The following DEAF1 variants were observed in gnomAD, a reference collection of about 807,000 sequenced individuals.
DEAF1 encodes deformed epidermal autoregulatory factor 1 homolog.
In DEAF1, 53 loss-of-function variants were observed where a neutral mutation model predicts 58.9. The observed-to-expected ratio is 0.90, with a 90% CI of 0.72 to 1.13. DEAF1 has a LOEUF of 1.13. Among genes scored for constraint, DEAF1 ranks in the 50% most tolerant of loss-of-function variants. The probability of loss-of-function intolerance (pLI) is 0.00; values close to 1 mark genes in which losing one functional copy is unlikely to be tolerated. For missense variants in DEAF1, 685 were observed against 791.4 expected (o/e 0.87, Z 1.61); for synonymous variants, 385 against 340.4 (o/e 1.13, Z -1.44).
rs1858417534 is a variant in DEAF1 at position 644,982 on chromosome 11, G to T, written c.1594-328C>A. Among the ~76,000 whole-genome samples, 1 of 152,066 alleles carries T rather than the reference G, an allele frequency of 6.6e-6. No homozygotes were observed. The highest frequency in any genetic ancestry group is 2.1e-4 in the South Asian group (1 of 4,836). ...GTTCGAGACCAGCCTGGCCAACATG[G>T]TGAAACCCCGTATCTACTAAAAATA... On this transcript the variant is annotated intron_variant, in intron 11 of 11. Coordinates refer to ENST00000382409, the MANE Select transcript of DEAF1 (RefSeq NM_021008.4). This position sits in a 1 kb window ranked among gnomAD's most constrained non-coding sequence, Gnocchi z 4.3.
chr11:680,045 G>A (rs1041917971), intron 7 of DEAF1: 4 of 588,402 alleles, frequency 6.8e-6, no homozygotes, highest in Non-Finnish European at 1.2e-5. Flanking sequence ...CCAATTGTTC[G>A]CTGTTTAAAC....
At chr11:668,368 T>C (rs911448770) in intron 10 of DEAF1, among the ~76,000 whole-genome samples, 1 of 152,220 alleles carries the variant, frequency 6.6e-6, no homozygotes, top group African/African-American at 2.4e-5. Context: ...TTTTCAAGTG[T>C]ATATGCAATA....
chr11:657,657 C>T (rs1173002931), intron 10 of DEAF1, among the ~76,000 whole-genome samples: 2 of 152,196 alleles, frequency 1.3e-5, no homozygotes, highest in Non-Finnish European at 2.9e-5. Context: ...AAGGTCAGAG[C>T]TGTCTGTAAT....
intron 10 of DEAF1, chr11:674,189 T>C: frequency 2.9e-6 from 1 of 348,026 alleles, no homozygotes; most frequent in Non-Finnish European, 5.6e-6. Flanking sequence ...ATAGATGATG[T>C]TCTCCAAACT....
chr11:702,742 G>A (rs138589691), intron 1 of DEAF1, among the ~76,000 whole-genome samples: 5 of 152,374 alleles, frequency 3.3e-5, no homozygotes, highest in African/African-American at 1.2e-4. Context: ...CCCCAGGAGG[G>A]GCTCACGCCT....
intron 11 of DEAF1, among the ~76,000 whole-genome samples, chr11:652,879 T>G (rs1334147479): frequency 6.6e-6 from 1 of 151,098 alleles, no homozygotes; most frequent in Admixed American, 6.6e-5. Context: ...AGGTCAGGAG[T>G]TCGAGACCAG....
At chr11:672,949 G>A (rs892754505) in intron 10 of DEAF1, among the ~76,000 whole-genome samples, 3 of 152,050 alleles carry the variant, frequency 2.0e-5, no homozygotes, top group African/African-American at 7.3e-5. Context: ...AGGAGTTTAA[G>A]ACCAGCCTGG....
At chr11:645,981 A>T (rs1202946087) in intron 11 of DEAF1, among the ~76,000 whole-genome samples, 1 of 152,132 alleles carries the variant, frequency 6.6e-6, no homozygotes, top group African/African-American at 2.4e-5. Context: ...GGCCGGGCGC[A>T]GTGGTTCACG....
intron 11 of DEAF1, among the ~76,000 whole-genome samples, chr11:647,668 C>T (rs567222034): frequency 1.2e-4 from 18 of 152,300 alleles, no homozygotes; most frequent in East Asian, 7.7e-4. Context: ...GGAGGGCAGG[C>T]GCTAAAGCAG....
upstream of DEAF1, chr11:695,606 C>T (rs1024593908): frequency 4.8e-6 from 6 of 1,243,810 alleles, no homozygotes; most frequent in Non-Finnish European, 6.1e-6. Flanking sequence ...TCCCCGAGGC[C>T]GAATGCTCCC....
At chr11:691,358 A>G (rs1172923185) in intron 2 of DEAF1, 143 bp downstream of exon 2, 3 of 762,362 alleles carry the variant, frequency 3.9e-6, no homozygotes, top group Non-Finnish European at 6.6e-6. Flanking sequence ...GGCCTCTGAG[A>G]GCAGAGCGAG....
intron 1 of DEAF1, chr11:704,161 A>C: frequency 1.8e-6 from 2 of 1,082,558 alleles, no homozygotes; most frequent in Non-Finnish European, 1.2e-6. Context: ...CCCCCACCCC[A>C]TCTCCAGTTC....
chr11:667,993 T>C (rs1859633892), intron 10 of DEAF1, among the ~76,000 whole-genome samples: 1 of 151,868 alleles, frequency 6.6e-6, no homozygotes, highest in Admixed American at 6.6e-5. Flanking sequence ...ACGCCGATAG[T>C]CCCAGCTACT....
At chr11:704,181 G>T in intron 1 of DEAF1, 1 of 1,076,662 alleles carries the variant, frequency 9.3e-7, no homozygotes, top group South Asian at 1.8e-5. Flanking sequence ...CTCCTGCCCT[G>T]CAAGAGAGCA....
rs371116243 is a variant in DEAF1 at position 658,151 on chromosome 11, G to A, written c.1504-4100C>T. ...TTTTTAAAATAACCATTCATTAGCCGGGCACGGTGGCTCACGCCTGTAATC... is the reference window on the plus strand; with the variant it reads ...TTTTTAAAATAACCATTCATTAGCCAGGCACGGTGGCTCACGCCTGTAATC... On this transcript the variant is annotated intron_variant, in intron 10 of 11. Coordinates refer to ENST00000382409, the MANE Select transcript of DEAF1 (RefSeq NM_021008.4). Among the ~76,000 whole-genome samples, 23 of 152,232 alleles carry A rather than the reference G, an allele frequency of 1.5e-4. No individual in the cohort carries two copies. The East Asian group carries it at 3.3e-3, about 22-fold the overall frequency.
At chr11:675,924 C>G (rs1255325439) in intron 9 of DEAF1, among the ~76,000 whole-genome samples, 2 of 75,198 alleles carry the variant, frequency 2.7e-5, no homozygotes, top group African/African-American at 1.0e-4. Context: ...GCACCTGACA[C>G]CCCCCAGCAC....
chr11:700,057 A>G (rs1178368260), upstream of DEAF1: 6 of 1,101,864 alleles, frequency 5.4e-6, no homozygotes, highest in Non-Finnish European at 1.4e-6. Flanking sequence ...CACCAAACAG[A>G]TGACAGAACC....
chr11:647,058 C>T (rs370315438), intron 11 of DEAF1, among the ~76,000 whole-genome samples: 7 of 152,062 alleles, frequency 4.6e-5, no homozygotes, highest in East Asian at 1.9e-4. Context: ...ACTTGGGAGA[C>T]AGAGGCAGGA....
Position 644,586 on chromosome 11 carries a change from G to A in DEAF1, c.1662C>T (p.His554=). 6 of 1,613,058 alleles carry A rather than the reference G, an allele frequency of 3.7e-6. No homozygotes were observed. The highest frequency in any genetic ancestry group is 4.2e-6 in the Non-Finnish European group (5 of 1,179,954). ...AAVTVQADEV[H]VAESVMEKVT... Reference sequence around the variant, plus strand: ...CCTTCTCCATCACGCTTTCAGCCACGTGGACTTCGTCTGCCTGGACGGTGA... The same window carrying A: ...CCTTCTCCATCACGCTTTCAGCCACATGGACTTCGTCTGCCTGGACGGTGA... The change falls in exon 12 of 12, where the codon CAC becomes CAT. Residue 554 remains histidine (H), a synonymous_variant. Coordinates refer to ENST00000382409, the MANE Select transcript of DEAF1 (RefSeq NM_021008.4). The surrounding 1 kb of genome is among the most constrained non-coding windows in gnomAD (Gnocchi z 4.3).
Sources: allele counts gnomAD v4.1 joint callset (sites outside exome capture counted in the v4.1 genomes callset), GRCh38; gene constraint gnomAD v4.1.1; non-coding constraint Gnocchi (gnomAD v3.1); transcripts MANE v1.5; gene names NCBI Gene and HGNC (gene_info 2026-07-23, HGNC 2026-07-21).